RHOBTB1: variants seen among roughly 807,000 people sequenced by gnomAD.
The protein encoded by RHOBTB1 is rho-related BTB domain-containing protein 1.
Under a neutral mutation model 71.6 loss-of-function variants are expected in RHOBTB1, and 40 were observed. The ratio of observed to expected loss-of-function variants is 0.56; its 90% CI spans 0.43 to 0.73. The LOEUF (loss-of-function observed/expected upper bound fraction) is 0.73. Ranked by LOEUF, RHOBTB1 falls within the 30% of genes least tolerant of loss-of-function variation. The pLI is 0.00. For synonymous variants in RHOBTB1, 319 were observed against 334.9 expected (o/e 0.95, Z 0.52); for missense variants, 797 against 894.0 (o/e 0.89, Z 1.38).
chr10:60,908,388 A>G (rs964854842), intron 4 of RHOBTB1, among the ~76,000 whole-genome samples: 1 of 152,252 alleles, frequency 6.6e-6, no homozygotes, highest in African/African-American at 2.4e-5. Context: ...TGTATTTCAC[A>G]TGCCTCAAAG....
the RHOBTB1 span, among the ~76,000 whole-genome samples, chr10:60,863,426 C>A: frequency 1.3e-4 from 19 of 149,490 alleles, no homozygotes; most frequent in African/African-American, 4.5e-4. Context: ...CTGCTGATAG[C>A]GCACAAAACT....
intron 2 of RHOBTB1, among the ~76,000 whole-genome samples, chr10:60,927,280 A>G (rs192108366): frequency 2.0e-5 from 3 of 152,298 alleles, no homozygotes; most frequent in Admixed American, 6.5e-5. Flanking sequence ...ATACCACCCA[A>G]TGCAATCTAC....
chr10:60,930,678 T>A (rs2084192071), intron 2 of RHOBTB1, among the ~76,000 whole-genome samples: 1 of 152,184 alleles, frequency 6.6e-6, no homozygotes, highest in Admixed American at 6.5e-5. Context: ...TCACCTATTA[T>A]GCACCTTACA....
intron 1 of RHOBTB1, among the ~76,000 whole-genome samples, chr10:60,995,284 G>A (rs1283266465): frequency 6.6e-6 from 1 of 152,108 alleles, no homozygotes; most frequent in Admixed American, 6.5e-5. Context: ...TTGAGGAAGG[G>A]ATGTTACTAC....
intron 2 of RHOBTB1, among the ~76,000 whole-genome samples, chr10:60,917,782 G>A (rs570569628): frequency 9.2e-4 from 139 of 151,340 alleles, no homozygotes; most frequent in African/African-American, 3.2e-3. Context: ...CTATACACAC[G>A]CCACTCCTTC....
rs1418979791 is a variant in RHOBTB1, at chr10:60,880,202, T to TGTGTGTGTGA, written c.1576-2145_1576-2144insTCACACACAC. On this transcript the variant is annotated intron_variant, in intron 7 of 10. Coordinates refer to ENST00000337910, the MANE Select transcript of RHOBTB1 (RefSeq NM_014836.5). ...CTGTGTGTGTGTGTGTGTGTGTGTG[T>TGTGTGTGTGA]GAGAGAGAGAGAGAGAGAGAGAGAG... Among the ~76,000 whole-genome samples, 12 of 127,008 alleles carry TGTGTGTGTGA rather than the reference T, an allele frequency of 9.4e-5. No individual in the cohort carries two copies. The East Asian group carries it at 2.7e-3, about 29-fold the overall frequency. 83.3% of individuals were successfully genotyped at this position (127,008 alleles called of 152,430 possible).
chr10:60,937,271 G>T (rs1233344316), intron 2 of RHOBTB1, among the ~76,000 whole-genome samples: 3 of 152,140 alleles, frequency 2.0e-5, no homozygotes, highest in Non-Finnish European at 4.4e-5. Flanking sequence ...ATCAAGTGCT[G>T]CAGATGAAAT....
chr10:60,981,628 G>T lies in RHOBTB1; in HGVS notation c.-62+4217C>A, dbSNP rs534678914. Among the ~76,000 whole-genome samples, 6 of 152,130 alleles carry T rather than the reference G, an allele frequency of 3.9e-5. No homozygotes were observed. The South Asian group carries it at 1.2e-3, about 32-fold the overall frequency. On this transcript the variant is annotated intron_variant, in intron 2 of 11. Coordinates refer to the RHOBTB1 transcript ENST00000357917. ...ATGTATCACATAACCAATTAATCAA[G>T]ATCTCATATTAATCAGACCATATTT... is the stretch of plus-strand genomic sequence containing the variant.
intron 2 of RHOBTB1, among the ~76,000 whole-genome samples, chr10:60,937,931 C>T (rs1353656623): frequency 1.3e-5 from 2 of 152,150 alleles, no homozygotes; most frequent in African/African-American, 4.8e-5. Context: ...TTATAACATC[C>T]TCATAACCCT....
chr10:60,973,860 G>A (rs961947349), intron 2 of RHOBTB1, among the ~76,000 whole-genome samples: 1 of 152,014 alleles, frequency 6.6e-6, no homozygotes, highest in Non-Finnish European at 1.5e-5. Context: ...ATGAGCTCCC[G>A]ATGTAGGTGA....
chr10:60,986,726 A>G lies in RHOBTB1; in HGVS notation c.-162-781T>C, dbSNP rs145266138. ...ACTGACTACCTAATATAAAAACTGA[A>G]GGGCAAAACAGTACTTTTGCTTGGA... On this transcript the variant is annotated intron_variant, in intron 1 of 11. Transcript: ENST00000357917. Among the ~76,000 whole-genome samples, 345 of 152,228 alleles carry G rather than the reference A, an allele frequency of 2.3e-3. 2 individuals carry two copies. The highest frequency in any genetic ancestry group is 7.1e-3 in the African/African-American group (297 of 41,558).
At chr10:60,930,198 T>C (rs1055808614) in intron 2 of RHOBTB1, among the ~76,000 whole-genome samples, 1 of 152,190 alleles carries the variant, frequency 6.6e-6, no homozygotes, top group Non-Finnish European at 1.5e-5. Flanking sequence ...AAACAACCTA[T>C]GACAAGTGAG....
intron 1 of RHOBTB1, among the ~76,000 whole-genome samples, chr10:60,994,503 T>C (rs897140948): frequency 2.0e-5 from 3 of 151,994 alleles, no homozygotes; most frequent in African/African-American, 7.2e-5. Flanking sequence ...TTCCAGAAAA[T>C]ACAAATGGTA....
downstream of RHOBTB1, among the ~76,000 whole-genome samples, chr10:60,866,870 C>A (rs1166699806): frequency 6.6e-6 from 1 of 152,128 alleles, no homozygotes. Flanking sequence ...GCAGCAAGGT[C>A]AGCATTTGGT....
chr10:60,925,909 A>C (rs997511910), intron 2 of RHOBTB1, among the ~76,000 whole-genome samples: 2 of 152,206 alleles, frequency 1.3e-5, no homozygotes, highest in African/African-American at 2.4e-5. Flanking sequence ...AGATTGAAGC[A>C]GTAATAAAAA....
chr10:60,954,166 G>A (rs2085507762), intron 2 of RHOBTB1, among the ~76,000 whole-genome samples: 1 of 152,062 alleles, frequency 6.6e-6, no homozygotes, highest in African/African-American at 2.4e-5. Flanking sequence ...AGTAGAAAAC[G>A]CCTCAAGCCT....
intron 2 of RHOBTB1, among the ~76,000 whole-genome samples, chr10:60,914,692 G>C (rs1055275723): frequency 5.3e-5 from 8 of 152,184 alleles, no homozygotes; most frequent in African/African-American, 1.9e-4. Context: ...TTTCACTGAA[G>C]ATTACTTTGA....
At chr10:60,900,017 G>A (rs1045433555) in intron 4 of RHOBTB1, among the ~76,000 whole-genome samples, 5 of 152,166 alleles carry the variant, frequency 3.3e-5, no homozygotes, top group African/African-American at 1.2e-4. Flanking sequence ...AGGAAACAGA[G>A]CAAAGGCCCG....
chr10:60,984,654 T>G (rs2134854058), intron 2 of RHOBTB1, among the ~76,000 whole-genome samples: 1 of 152,328 alleles, frequency 6.6e-6, no homozygotes, highest in South Asian at 2.1e-4. Context: ...TCAGCAAATT[T>G]TATTCTTTAA....
Sources: gnomAD v4.1 joint callset for allele counts (sites outside exome capture counted in the v4.1 genomes callset) on GRCh38, gnomAD v4.1.1 for gene constraint, MANE v1.5 for transcripts, NCBI Gene and HGNC (gene_info 2026-07-23, HGNC 2026-07-21) for gene names.